Variants in DACH2 observed in about 807,000 individuals in gnomAD.
DACH2 encodes dachshund homolog 2.
DACH2 carries 17 observed loss-of-function variants against 35.8 expected under a neutral mutation model. The ratio of observed to expected loss-of-function variants is 0.48; its 90% CI spans 0.33 to 0.71. The LOEUF is 0.71. Ranked by LOEUF, DACH2 falls within the 30% of genes least tolerant of loss-of-function variation. DACH2 has a pLI of 0.02. For synonymous variants in DACH2, 195 were observed against 177.3 expected (o/e 1.10, Z -0.79); for missense variants, 469 against 472.7 (o/e 0.99, Z 0.07).
At chrX:86,456,177 A>T (rs939931668) in intron 2 of DACH2, among the ~76,000 whole-genome samples, 1 of 111,942 alleles carries the variant, frequency 8.9e-6, no homozygotes, top group Non-Finnish European at 1.9e-5. Flanking sequence ...AGTGAGTTTC[A>T]GTGTGAGAAC....
chrX:86,218,892 A>G (rs1344507751), intron 1 of DACH2, among the ~76,000 whole-genome samples: 1 of 111,872 alleles, frequency 8.9e-6, no homozygotes, highest in Non-Finnish European at 1.9e-5. Context: ...TTGAAATGTG[A>G]TAGGAGAATA....
intron 7 of DACH2, among the ~76,000 whole-genome samples, chrX:86,744,682 G>A (rs1316647965): frequency 1.3e-4 from 15 of 111,588 alleles, no homozygotes; most frequent in Non-Finnish European, 2.8e-4. Flanking sequence ...CATGACCTGA[G>A]CTTTCACGGC....
At chrX:86,537,253 C>T (rs1020805454) in intron 3 of DACH2, among the ~76,000 whole-genome samples, 1 of 111,334 alleles carries the variant, frequency 9.0e-6, no homozygotes, top group Non-Finnish European at 1.9e-5. Flanking sequence ...ATGTGTTTAG[C>T]AAAGACTTGA....
At chrX:86,150,122 A>G in intron 1 of DACH2, among the ~76,000 whole-genome samples, 1 of 111,578 alleles carries the variant, frequency 9.0e-6, no homozygotes, top group South Asian at 3.8e-4. Flanking sequence ...AAAGAAAAAA[A>G]GTATACTCAA....
At chrX:86,754,888 T>A (rs1202565808) in intron 7 of DACH2, among the ~76,000 whole-genome samples, 1 of 111,945 alleles carries the variant, frequency 8.9e-6, no homozygotes, top group Non-Finnish European at 1.9e-5. Flanking sequence ...GCAAAAAACA[T>A]GTGAGTTGTA....
chrX:86,335,160 A>G (rs2035283304), intron 1 of DACH2, among the ~76,000 whole-genome samples: 1 of 111,910 alleles, frequency 8.9e-6, no homozygotes, highest in Admixed American at 9.5e-5. Flanking sequence ...TGGTTACTGT[A>G]GCCTTGTAGT....
Position 86,323,568 on chromosome X carries a change from G to T in DACH2, c.489-53256G>T, listed in dbSNP as rs761588783. Among the ~76,000 whole-genome samples the T allele has an allele frequency of 5.4e-5, 6 of 111,796 alleles. No homozygotes were observed. In the East Asian group the frequency reaches 1.1e-3, roughly 21 times the overall value. The stretch of plus-strand genomic sequence containing the variant: ...CATGGTGACCATGGAAAGGAAAGGA[G>T]GAAAATAAAATTTGCAATAGGAAAG... On this transcript the variant is annotated intron_variant, in intron 1 of 11. Coordinates refer to ENST00000373125, the MANE Select transcript of DACH2 (RefSeq NM_053281.3).
At chrX:86,420,158 G>C (rs1286616346) in intron 2 of DACH2, among the ~76,000 whole-genome samples, 1 of 111,942 alleles carries the variant, frequency 8.9e-6, no homozygotes, top group African/African-American at 3.2e-5. Flanking sequence ...ATAAAGCAAA[G>C]TGGCTAGTCA....
In DACH2 at chrX:86,575,759, G is replaced by A. The variant is rs768960222; in HGVS notation, c.640+61368G>A. Among the ~76,000 whole-genome samples, 8 of 111,723 alleles carry A rather than the reference G, an allele frequency of 7.2e-5. No individual in the cohort carries two copies. In the South Asian group the frequency reaches 2.9e-3, roughly 41 times the overall value. The stretch of plus-strand genomic sequence containing the variant: ...CAGTGTGACATGGTCAGTTCAGCTA[G>A]GTTTCACACCATACAAGTAAAGTAC... On this transcript the variant is annotated intron_variant, in intron 3 of 11. Transcript: ENST00000373125.
At chrX:86,250,191 C>T (rs1202753656) in intron 1 of DACH2, among the ~76,000 whole-genome samples, 2 of 111,321 alleles carry the variant, frequency 1.8e-5, no homozygotes, top group Non-Finnish European at 3.8e-5. Flanking sequence ...ACATGTACTT[C>T]GTGAACCTAA....
chrX:86,166,247 T>C (rs1397334052), intron 1 of DACH2, among the ~76,000 whole-genome samples: 1 of 111,384 alleles, frequency 9.0e-6, no homozygotes, highest in Admixed American at 9.6e-5. Context: ...CTCTATAGTA[T>C]AATTTGAAGT....
chrX:86,425,288 G>T (rs1448912409), intron 2 of DACH2, among the ~76,000 whole-genome samples: 1 of 110,533 alleles, frequency 9.0e-6, no homozygotes, highest in Non-Finnish European at 1.9e-5. Flanking sequence ...GTAGAATTCA[G>T]CAGTGAAGCC....
intron 1 of DACH2, among the ~76,000 whole-genome samples, chrX:86,238,586 G>A (rs1489136588): frequency 9.0e-6 from 1 of 111,252 alleles, no homozygotes; most frequent in Non-Finnish European, 1.9e-5. Flanking sequence ...TGCTTCAACA[G>A]TACTGCATTC....
intron 1 of DACH2, chrX:86,304,883 G>T: frequency 7.7e-6 from 1 of 129,369 alleles, no homozygotes; most frequent in South Asian, 2.4e-4. Flanking sequence ...CATGAACGCT[G>T]ACCACGACCT....
intron 3 of DACH2, among the ~76,000 whole-genome samples, chrX:86,620,670 T>G (rs2040059231): frequency 9.0e-6 from 1 of 111,027 alleles, no homozygotes; most frequent in Non-Finnish European, 1.9e-5. Flanking sequence ...TTTTATTAGT[T>G]TCTCCATTGT....
intron 3 of DACH2, among the ~76,000 whole-genome samples, chrX:86,633,223 G>A (rs974519129): frequency 1.3e-4 from 14 of 111,209 alleles, no homozygotes; most frequent in African/African-American, 4.6e-4. Context: ...GACAAACTAA[G>A]AAGAGAGAAG....
At chrX:86,818,574 T>C (rs1299066770) in intron 11 of DACH2, among the ~76,000 whole-genome samples, 1 of 111,732 alleles carries the variant, frequency 8.9e-6, no homozygotes, top group Non-Finnish European at 1.9e-5. Flanking sequence ...GTTATAGTTC[T>C]TTTTTGTGAC....
At position 86,776,197 on chromosome X, in the gene DACH2, C is replaced by T. The variant is rs192976948; in HGVS notation, c.1240+36315C>T. Among the ~76,000 whole-genome samples the T allele has an allele frequency of 1.9e-3, 218 of 111,802 alleles. 2 individuals are homozygous for T. Among genetic ancestry groups the T allele is most frequent in the African/African-American group, 6.7e-3 (207 of 30,793 alleles). ...AATACCATAAACGGAGTGACTTAAA[C>T]AGCAAACTTTTTATTCTTAGAGTTC... On this transcript the variant is annotated intron_variant, in intron 7 of 11. Coordinates refer to ENST00000373125, the MANE Select transcript of DACH2 (RefSeq NM_053281.3).
rs768993909 is a variant in DACH2, at chrX:86,409,280, C to T, written c.527+32418C>T. Among the ~76,000 whole-genome samples the T allele has an allele frequency of 1.9e-4, 21 of 111,428 alleles. No individual in the cohort carries two copies. In the East Asian group the frequency reaches 3.1e-3, roughly 17 times the overall value. On this transcript the variant is annotated intron_variant, in intron 2 of 11. Coordinates refer to ENST00000373125, the MANE Select transcript of DACH2 (RefSeq NM_053281.3). ...TAAAAGACTACTCATAATTAAGTGACGATCCATAAGTAAAGCACATGGAGT... is the reference window on the plus strand; with the variant it reads ...TAAAAGACTACTCATAATTAAGTGATGATCCATAAGTAAAGCACATGGAGT...
Sources: gnomAD v4.1 joint callset for allele counts (sites outside exome capture counted in the v4.1 genomes callset) on GRCh38, gnomAD v4.1.1 for gene constraint, MANE v1.5 for transcripts, NCBI Gene and HGNC (gene_info 2026-07-23, HGNC 2026-07-21) for gene names.